Variants in SH3BGRL observed in about 807,000 individuals in gnomAD.
SH3BGRL encodes adapter SH3BGRL.
SH3BGRL carries 7 observed loss-of-function variants against 9.8 expected under a neutral mutation model. The observed-to-expected ratio is 0.72, with a 90% CI of 0.41 to 1.35. The LOEUF (loss-of-function observed/expected upper bound fraction) is 1.35. Among genes scored for constraint, SH3BGRL ranks in the 40% most tolerant of loss-of-function variants. The pLI is 0.01. For synonymous variants in SH3BGRL, 36 were observed against 29.1 expected, an observed-to-expected ratio of 1.24 and a Z score of -0.76; for missense variants, 73 against 84.4, an observed-to-expected ratio of 0.86 and a Z score of 0.53.
Position 81,291,775 on chromosome X carries a change from TA to T in SH3BGRL, c.313-5419del, listed in dbSNP as rs778121732. Among the ~76,000 whole-genome samples the T allele has an allele frequency of 2.0e-3, 230 of 112,373 alleles. 1 individual carries two copies. The highest frequency in any genetic ancestry group is 3.5e-3 in the Non-Finnish European group (186 of 53,264). On this transcript the variant is annotated intron_variant, in intron 3 of 3. Coordinates refer to ENST00000373212, the MANE Select transcript of SH3BGRL (RefSeq NM_003022.3). ...AGTACAGGCATTAGGTAAGTGCTCC[TA>T]TTACAAAAGGGGGAAATTGGCCAAA...
At chrX:81,234,761 G>A (rs746988743) in intron 1 of SH3BGRL, among the ~76,000 whole-genome samples, 3 of 111,743 alleles carry the variant, frequency 2.7e-5, no homozygotes, top group Non-Finnish European at 5.7e-5. Flanking sequence ...AAGTTTACTA[G>A]GCATGTTTTA....
At chrX:81,251,745 C>CT (rs933301916) in intron 1 of SH3BGRL, among the ~76,000 whole-genome samples, 3 of 112,005 alleles carry the variant, frequency 2.7e-5, no homozygotes, top group African/African-American at 6.5e-5. Context: ...ATATTTTCTA[C>CT]TTTTTTGCTC....
intron 1 of SH3BGRL, among the ~76,000 whole-genome samples, chrX:81,210,972 A>T (rs2075561309): frequency 1.8e-5 from 2 of 112,201 alleles, no homozygotes; most frequent in Non-Finnish European, 3.8e-5. Flanking sequence ...CTTTATCTCA[A>T]TTTAAGAAAA....
intron 1 of SH3BGRL, among the ~76,000 whole-genome samples, chrX:81,211,809 A>G (rs2075565558): frequency 9.0e-6 from 1 of 111,028 alleles, no homozygotes; most frequent in Non-Finnish European, 1.9e-5. Flanking sequence ...GCTCTCCTTG[A>G]TCCTCAGCTT....
intron 3 of SH3BGRL, among the ~76,000 whole-genome samples, 163 bp from the exon 4 acceptor site, chrX:81,297,032 G>C (rs371703269): frequency 8.9e-6 from 1 of 111,885 alleles, no homozygotes; most frequent in Non-Finnish European, 1.9e-5. Flanking sequence ...CTAGAAATCT[G>C]TTTGTATTAT....
intron 1 of SH3BGRL, among the ~76,000 whole-genome samples, chrX:81,250,559 A>G (rs755009187): frequency 4.5e-5 from 5 of 111,926 alleles, no homozygotes; most frequent in African/African-American, 9.7e-5. Flanking sequence ...CCTTCTCCAC[A>G]TTTAAAAGAA....
At chrX:81,203,748 A>G (rs1216734258) in intron 1 of SH3BGRL, among the ~76,000 whole-genome samples, 2 of 112,094 alleles carry the variant, frequency 1.8e-5, no homozygotes, top group Non-Finnish European at 3.8e-5. Context: ...CTTTAAAAGT[A>G]GATTCAACAA....
At chrX:81,290,307 C>G (rs772494225) in intron 3 of SH3BGRL, among the ~76,000 whole-genome samples, 1 of 111,717 alleles carries the variant, frequency 9.0e-6, no homozygotes, top group African/African-American at 3.3e-5. Flanking sequence ...TACACAATAG[C>G]CAAGATTTGG....
At chrX:81,261,073 T>C (rs757452286) in intron 1 of SH3BGRL, among the ~76,000 whole-genome samples, 1 of 111,543 alleles carries the variant, frequency 9.0e-6, no homozygotes, top group African/African-American at 3.2e-5. Context: ...TAAAAGATTG[T>C]CGACCTTCTA....
intron 1 of SH3BGRL, among the ~76,000 whole-genome samples, chrX:81,204,654 G>C (rs753553960): frequency 9.1e-6 from 1 of 110,192 alleles, no homozygotes; most frequent in African/African-American, 3.3e-5. Flanking sequence ...CTGGATCTGT[G>C]ATAATTGGCA....
intron 1 of SH3BGRL, among the ~76,000 whole-genome samples, chrX:81,214,889 A>G (rs751056976): frequency 6.3e-5 from 7 of 111,450 alleles, no homozygotes; most frequent in South Asian, 7.4e-4. Context: ...ACTTCTGGCT[A>G]TGGGATGGAT....
chrX:81,214,862 T>G (rs1036153446), intron 1 of SH3BGRL, among the ~76,000 whole-genome samples: 1 of 111,910 alleles, frequency 8.9e-6, no homozygotes, highest in East Asian at 2.8e-4. Flanking sequence ...TTAGAACATA[T>G]TGCTTTTTAA....
intron 1 of SH3BGRL, among the ~76,000 whole-genome samples, chrX:81,258,891 C>G (rs2055360847): frequency 8.9e-6 from 1 of 112,243 alleles, no homozygotes. Context: ...CAGTACTCTG[C>G]TATTGTATGT....
At chrX:81,284,510 G>T (rs1569370576) in intron 3 of SH3BGRL, among the ~76,000 whole-genome samples, 1 of 111,026 alleles carries the variant, frequency 9.0e-6, no homozygotes, top group African/African-American at 3.3e-5. Flanking sequence ...TGGTGATTGG[G>T]AAATGAAGAA....
intron 1 of SH3BGRL, among the ~76,000 whole-genome samples, chrX:81,236,362 G>T (rs2075647883): frequency 9.0e-6 from 1 of 111,663 alleles, no homozygotes; most frequent in Non-Finnish European, 1.9e-5. Context: ...CTACAATCAA[G>T]GTGAAGACAA....
intron 2 of SH3BGRL, 89 bp downstream of exon 2, chrX:81,277,258 A>G (rs896328048): frequency 2.7e-6 from 2 of 732,334 alleles, no homozygotes; most frequent in Non-Finnish European, 4.1e-6. Flanking sequence ...GCCTGCATAT[A>G]TATAGTCATA....
chrX:81,241,815 G>A (rs769068564), intron 1 of SH3BGRL, among the ~76,000 whole-genome samples: 1 of 112,549 alleles, frequency 8.9e-6, no homozygotes, highest in Admixed American at 9.3e-5. Flanking sequence ...CCAGACACAG[G>A]TTGCTTGCAG....
chrX:81,242,541 C>A (rs1229350037), intron 1 of SH3BGRL, among the ~76,000 whole-genome samples: 9 of 112,068 alleles, frequency 8.0e-5, no homozygotes, highest in African/African-American at 2.9e-4. Flanking sequence ...ACTGCACAGG[C>A]ACCAGCAACT....
chrX:81,254,803 A>G (rs1257122732), intron 1 of SH3BGRL, among the ~76,000 whole-genome samples: 1 of 111,935 alleles, frequency 8.9e-6, no homozygotes, highest in Non-Finnish European at 1.9e-5. Context: ...AGCCTTGAAG[A>G]GGCATTGATG....
Sources: gnomAD v4.1 joint callset for allele counts (sites outside exome capture counted in the v4.1 genomes callset) on GRCh38, gnomAD v4.1.1 for gene constraint, MANE v1.5 for transcripts, NCBI Gene and HGNC (gene_info 2026-07-23, HGNC 2026-07-21) for gene names.